Variants in SPAG16 observed in about 807,000 individuals in gnomAD.
SPAG16 encodes sperm-associated antigen 16 protein.
Under a neutral mutation model 80.4 loss-of-function variants are expected in SPAG16, and 86 were observed. The observed-to-expected ratio is 1.07, with a 90% CI of 0.90 to 1.28. SPAG16 has a LOEUF of 1.28. Ranked by LOEUF, SPAG16 falls within the 50% of genes most tolerant of loss-of-function variation. The pLI, the probability that SPAG16 is intolerant of heterozygous loss-of-function variation, is 0.00. For missense variants in SPAG16, 870 were observed against 765.3 expected (o/e 1.14, Z -1.61); for synonymous variants, 294 against 265.9 (o/e 1.11, Z -1.03).
At chr2:213,553,467 A>G (rs1174505914) in intron 10 of SPAG16, among the ~76,000 whole-genome samples, 1 of 152,160 alleles carries the variant, frequency 6.6e-6, no homozygotes, top group Non-Finnish European at 1.5e-5. Flanking sequence ...GAACACAGGC[A>G]TCTCTTGCCA....
intron 15 of SPAG16, among the ~76,000 whole-genome samples, chr2:214,196,280 G>A (rs1195232845): frequency 1.3e-5 from 2 of 151,954 alleles, no homozygotes; most frequent in African/African-American, 4.8e-5. Context: ...TGGAGCCTTG[G>A]CATCTTAAGA....
intron 15 of SPAG16, among the ~76,000 whole-genome samples, chr2:214,312,058 C>T (rs1238011862): frequency 2.0e-5 from 3 of 152,138 alleles, no homozygotes; most frequent in Non-Finnish European, 4.4e-5. Context: ...AGTATCTCCA[C>T]ACTAATAAGA....
chr2:214,296,519 A>G (rs1694145060), intron 15 of SPAG16, among the ~76,000 whole-genome samples: 1 of 152,182 alleles, frequency 6.6e-6, no homozygotes, highest in Non-Finnish European at 1.5e-5. Flanking sequence ...GTGTACAAAC[A>G]TTCTCTTTTC....
At chr2:213,333,302 G>A (rs148038686) in intron 5 of SPAG16, among the ~76,000 whole-genome samples, 71 of 152,122 alleles carry the variant, frequency 4.7e-4, no homozygotes, top group Middle Eastern at 3.4e-3. Flanking sequence ...GCAAATAAAT[G>A]AAATATCTCT....
intron 10 of SPAG16, among the ~76,000 whole-genome samples, chr2:213,672,845 G>C (rs113023729): frequency 7.1e-6 from 1 of 141,322 alleles, no homozygotes; most frequent in Non-Finnish European, 1.5e-5. Flanking sequence ...TTGTTTGTTT[G>C]TTTTATTTTG....
rs1318984569 is a variant in SPAG16 at position 214,066,216 on chromosome 2, T to C, written c.1528-41980T>C. ...ATTAAAGAAGTCTGCCACAGCCACC[T>C]TTCCTGGCTCACCTTCCCACAATCC... On this transcript the variant is annotated intron_variant, in intron 13 of 15. Transcript: ENST00000331683. 3.3e-5 allele frequency among the ~76,000 whole-genome samples: 5 copies of C among 152,156 alleles called. No homozygotes were observed. The East Asian group carries it at 9.6e-4, about 29-fold the overall frequency.
intron 10 of SPAG16, among the ~76,000 whole-genome samples, chr2:213,573,662 T>G (rs540951164): frequency 6.6e-6 from 1 of 152,234 alleles, no homozygotes; most frequent in African/African-American, 2.4e-5. Flanking sequence ...ATACGTATTT[T>G]AAGTTTTTCT....
intron 11 of SPAG16, among the ~76,000 whole-genome samples, chr2:213,911,253 C>T (rs978708474): frequency 3.9e-5 from 6 of 152,136 alleles, no homozygotes; most frequent in Admixed American, 3.9e-4. Context: ...TCAAGTAATC[C>T]TCCCACCTTG....
chr2:213,743,052 C>T (rs978767141), intron 10 of SPAG16, among the ~76,000 whole-genome samples: 1 of 151,334 alleles, frequency 6.6e-6, no homozygotes, highest in Admixed American at 6.6e-5. Context: ...TACAGGCGCC[C>T]GCCACCACGC....
intron 15 of SPAG16, among the ~76,000 whole-genome samples, chr2:214,291,051 G>A (rs915459741): frequency 6.6e-6 from 1 of 151,994 alleles, no homozygotes; most frequent in African/African-American, 2.4e-5. Flanking sequence ...AGTGTTGGGT[G>A]TATATATATT....
At chr2:213,644,227 G>T (rs1258042602) in intron 10 of SPAG16, among the ~76,000 whole-genome samples, 1 of 151,800 alleles carries the variant, frequency 6.6e-6, no homozygotes, top group Non-Finnish European at 1.5e-5. Flanking sequence ...AAATTTATCT[G>T]ACAGAATTCT....
rs1559533159 is a variant in SPAG16 at position 213,864,124 on chromosome 2, T to C, written c.1214+1496T>C. 3.3e-5 allele frequency among the ~76,000 whole-genome samples: 5 copies of C among 152,306 alleles called. No individual in the cohort carries two copies. In the South Asian group the frequency reaches 8.3e-4, roughly 25 times the overall value. ...AAGCTCTATTTTGGTTTATTTGTGG[T>C]GAAACACATTCTGAAAGAGTTTATA... On this transcript the variant is annotated intron_variant, in intron 11 of 15. Coordinates refer to ENST00000331683, the MANE Select transcript of SPAG16 (RefSeq NM_024532.5).
Position 213,396,451 on chromosome 2 carries a change from C to A in SPAG16, c.942+21332C>A, listed in dbSNP as rs568063499. 10 of 192,464 alleles carry A rather than the reference C, an allele frequency of 5.2e-5. No homozygotes were observed. The South Asian group carries it at 9.2e-4, about 18-fold the overall frequency. 11.9% of individuals were successfully genotyped at this position (192,464 alleles called of 1,614,324 possible). ...TAATTCTAAGTACCTTATAGTTTTG[C>A]TCTTGTATATGATATCTTTTTAAAT... On this transcript the variant is annotated intron_variant, in intron 9 of 15. Coordinates refer to ENST00000331683, the MANE Select transcript of SPAG16 (RefSeq NM_024532.5).
chr2:214,215,984 C>G (rs12997249), intron 15 of SPAG16, among the ~76,000 whole-genome samples: 50,684 of 151,912 alleles, frequency 0.33, 8,603 homozygotes, highest in East Asian at 0.51. Flanking sequence ...TGATAGATAC[C>G]CATTGCAAAA....
chr2:214,241,141 T>G (rs1689441073), intron 15 of SPAG16: 1 of 152,052 alleles, frequency 6.6e-6, no homozygotes, highest in African/African-American at 2.4e-5. Flanking sequence ...TTGCTTGAGC[T>G]CAGGAGTTCA....
intron 10 of SPAG16, among the ~76,000 whole-genome samples, chr2:213,559,781 A>T (rs1292446827): frequency 6.6e-6 from 1 of 152,090 alleles, no homozygotes; most frequent in Non-Finnish European, 1.5e-5. Flanking sequence ...ATATAAATAC[A>T]TGTTATTATT....
At position 214,166,507 on chromosome 2, in the gene SPAG16, A is replaced by G. The variant is rs568957693; in HGVS notation, c.1720+17241A>G. Among the ~76,000 whole-genome samples the G allele has an allele frequency of 7.9e-5, 12 of 152,320 alleles. No individual in the cohort carries two copies. In the East Asian group the frequency reaches 2.3e-3, roughly 29 times the overall value. On this transcript the variant is annotated intron_variant, in intron 15 of 15. Transcript: ENST00000331683. ...TTACTCCTGAGACTGGTTCTCAGCCAGGCTCCTGTTAGGCCATTTTCTCTC... is the reference window on the plus strand; with the variant it reads ...TTACTCCTGAGACTGGTTCTCAGCCGGGCTCCTGTTAGGCCATTTTCTCTC...
intron 2 of SPAG16, among the ~76,000 whole-genome samples, chr2:213,296,662 T>C: frequency 6.6e-6 from 1 of 152,168 alleles, no homozygotes; most frequent in East Asian, 1.9e-4. Context: ...CGAGCCTGGG[T>C]GAGCAAGAGA....
At chr2:213,888,566 A>C (rs112413762) in intron 11 of SPAG16, among the ~76,000 whole-genome samples, 2,840 of 151,776 alleles carry the variant, frequency 0.019, 95 homozygotes, top group African/African-American at 0.066. Context: ...TAATAGGACA[A>C]TGTAAGTACA....
Sources: gnomAD v4.1 joint callset for allele counts (sites outside exome capture counted in the v4.1 genomes callset) on GRCh38, gnomAD v4.1.1 for gene constraint, MANE v1.5 for transcripts, NCBI Gene and HGNC (gene_info 2026-07-23, HGNC 2026-07-21) for gene names.